The following TAFA5 variants were observed in gnomAD, a reference collection of about 807,000 sequenced individuals.
The protein encoded by TAFA5 is TAFA chemokine like family member 5, also known as chemokine-like protein TAFA-5.
TAFA5 carries 6 observed loss-of-function variants against 15.3 expected under a neutral mutation model. That is an observed-to-expected ratio of 0.39 (90% CI 0.21 to 0.77). The LOEUF (loss-of-function observed/expected upper bound fraction) is 0.77, where lower values mean the gene tolerates loss of function less well. Among genes scored for constraint, TAFA5 ranks in the 30% least tolerant of loss-of-function variants. TAFA5 has a pLI of 0.41. For missense variants in TAFA5, 161 were observed against 193.1 expected (o/e 0.83, Z 0.98); for synonymous variants, 103 against 80.7 (o/e 1.28, Z -1.48).
intron 2 of TAFA5, among the ~76,000 whole-genome samples, chr22:48,654,033 C>T (rs1927148582): frequency 6.6e-6 from 1 of 151,804 alleles, no homozygotes; most frequent in African/African-American, 2.4e-5. Flanking sequence ...GGGGTGGTCT[C>T]CTTGCTCTAG....
chr22:48,721,370 C>T (rs1929565121), intron 3 of TAFA5, among the ~76,000 whole-genome samples: 1 of 152,216 alleles, frequency 6.6e-6, no homozygotes, highest in South Asian at 2.1e-4. Flanking sequence ...CACCAGAGCA[C>T]TGCCTCCGTG....
intron 1 of TAFA5, among the ~76,000 whole-genome samples, chr22:48,612,572 A>G (rs1925449090): frequency 6.6e-6 from 1 of 151,744 alleles, no homozygotes; most frequent in African/African-American, 2.4e-5. Flanking sequence ...GCCCTCGCCT[A>G]ATGGGAGGTG....
Position 48,592,088 on chromosome 22 carries a change from G to GC in TAFA5, c.113-54507dup, listed in dbSNP as rs1281920321. 7.9e-5 allele frequency among the ~76,000 whole-genome samples: 12 copies of GC among 152,190 alleles called. No individual in the cohort carries two copies. The East Asian group carries it at 2.1e-3, about 27-fold the overall frequency. ...CCTTGCAGGTCCCGAGGCTGGTGGGGCCAGCCTTGGTCGGGCCCCACCCTG... is the reference window on the plus strand; with the variant it reads ...CCTTGCAGGTCCCGAGGCTGGTGGGGCCCAGCCTTGGTCGGGCCCCACCCTG... On this transcript the variant is annotated intron_variant, in intron 1 of 3. Coordinates refer to ENST00000402357, the MANE Select transcript of TAFA5 (RefSeq NM_001082967.3).
chr22:48,625,718 G>T (rs1926005484), intron 1 of TAFA5, among the ~76,000 whole-genome samples: 1 of 152,168 alleles, frequency 6.6e-6, no homozygotes, highest in African/African-American at 2.4e-5. Flanking sequence ...TTTTAGATTT[G>T]CATAGATTGA....
chr22:48,586,628 C>T (rs1021113298), intron 1 of TAFA5, among the ~76,000 whole-genome samples: 5 of 152,232 alleles, frequency 3.3e-5, no homozygotes, highest in Admixed American at 3.3e-4. Flanking sequence ...GAGAGGGATT[C>T]GCACACATTT....
At chr22:48,649,783 G>A (rs112537302) in intron 2 of TAFA5, among the ~76,000 whole-genome samples, 121 of 152,264 alleles carry the variant, frequency 7.9e-4, no homozygotes, top group East Asian at 6.4e-3. Context: ...GGGGGAGAGC[G>A]GTGCCCTGCA....
chr22:48,670,003 T>C (rs1056485974), intron 2 of TAFA5, among the ~76,000 whole-genome samples: 1 of 152,138 alleles, frequency 6.6e-6, no homozygotes, highest in African/African-American at 2.4e-5. Flanking sequence ...TTACTGCCCC[T>C]CAACTCCCAA....
chr22:48,742,608 G>A lies in TAFA5; in HGVS notation c.391-7231G>A, dbSNP rs113776789. Among the ~76,000 whole-genome samples, 9 of 151,604 alleles carry A rather than the reference G, an allele frequency of 5.9e-5. No homozygotes were observed. Among genetic ancestry groups the A allele is most frequent in the Admixed American group, 2.0e-4 (3 of 15,242 alleles). ...GATGGACCAGGCGACATGGTGGACCGGGCCGCATGGTGGACCAGGCAACGT... is the reference window on the plus strand; with the variant it reads ...GATGGACCAGGCGACATGGTGGACCAGGCCGCATGGTGGACCAGGCAACGT... On this transcript the variant is annotated intron_variant, in intron 3 of 3. Transcript: ENST00000402357. This position sits in a 1 kb window ranked among gnomAD's most constrained non-coding sequence, Gnocchi z 6.2.
intron 3 of TAFA5, among the ~76,000 whole-genome samples, chr22:48,748,440 C>T (rs1367182615): frequency 6.6e-6 from 1 of 152,202 alleles, no homozygotes; most frequent in East Asian, 1.9e-4. Flanking sequence ...CCACAAGTGT[C>T]CACAGGCAGA....
At chr22:48,499,509 G>T (rs1036152979) in intron 1 of TAFA5, among the ~76,000 whole-genome samples, 3 of 152,160 alleles carry the variant, frequency 2.0e-5, no homozygotes, top group African/African-American at 7.2e-5. Flanking sequence ...TAGCACCGAC[G>T]TGCCCTTCTG....
rs1197146995 is a variant in TAFA5, at chr22:48,751,321, G to A, written c.*1474G>A. 1 of 152,454 alleles carries A rather than the reference G, an allele frequency of 6.6e-6. No individual in the cohort carries two copies. The highest frequency in any genetic ancestry group is 1.5e-5 in the Non-Finnish European group (1 of 68,042). The allele number at this position is 152,454 out of a possible 1,614,324, so 9.4% of individuals were successfully genotyped here. A position where few individuals can be genotyped will look rare whatever the true frequency, so the allele number is the denominator to read the frequency against. On this transcript the variant is annotated 3_prime_UTR_variant, in exon 4 of 4. Transcript: ENST00000402357. ...TCACTAGGTCCAGAAAGTCGCGCCG[G>A]GCAGAGGCGCAGGCGGGGCCGGCAG...
chr22:48,693,423 G>A (rs766837526), intron 2 of TAFA5: 14 of 1,611,014 alleles, frequency 8.7e-6, no homozygotes, highest in Admixed American at 1.7e-5. Context: ...AGCCCGTGCA[G>A]GCAGTAAAGG....
At chr22:48,618,912 C>T (rs1482774821) in intron 1 of TAFA5, among the ~76,000 whole-genome samples, 3 of 152,212 alleles carry the variant, frequency 2.0e-5, no homozygotes, top group Admixed American at 6.5e-5. Context: ...CACCTAGGCC[C>T]TGGGAGGCTG....
At chr22:48,502,591 G>A (rs868503797) in intron 1 of TAFA5, among the ~76,000 whole-genome samples, 1 of 146,404 alleles carries the variant, frequency 6.8e-6, no homozygotes, top group Admixed American at 7.0e-5. Flanking sequence ...GTGTGATCTC[G>A]GCTCACTGCA....
In TAFA5 at chr22:48,550,130, C is replaced by T. The variant is rs1483154235; in HGVS notation, c.112+60426C>T. Among the ~76,000 whole-genome samples the T allele has an allele frequency of 6.6e-6, 1 of 152,214 alleles. No homozygotes were observed. Among genetic ancestry groups the T allele is most frequent in the Non-Finnish European group, 1.5e-5 (1 of 68,032 alleles). On this transcript the variant is annotated intron_variant, in intron 1 of 3. Transcript: ENST00000402357. The surrounding 1 kb of genome is among the most constrained non-coding windows in gnomAD (Gnocchi z 4.1). ...GCTGGGAACTTTGGGGTATGCTGGG[C>T]ATGGGTGTAGCAGCCTGTGTGTGTC...
intron 3 of TAFA5, among the ~76,000 whole-genome samples, chr22:48,711,279 T>A (rs1248816165): frequency 6.6e-6 from 1 of 151,960 alleles, no homozygotes; most frequent in Non-Finnish European, 1.5e-5. Flanking sequence ...AGAGTGTGTG[T>A]CGGGGGCTTG....
chr22:48,529,083 C>T (rs1921873863), intron 1 of TAFA5, among the ~76,000 whole-genome samples: 1 of 152,186 alleles, frequency 6.6e-6, no homozygotes, highest in South Asian at 2.1e-4. Context: ...ACTGCTTAAA[C>T]CACCTTCACA....
Position 48,550,808 on chromosome 22 carries a change from G to A in TAFA5, c.112+61104G>A, listed in dbSNP as rs2147126164. ...CTTTCTCTGACCTTCTTGTTCTCGG[G>A]AAAGAGCGGTGCCTCCAGGATTCAG... On this transcript the variant is annotated intron_variant, in intron 1 of 3. Coordinates refer to ENST00000402357, the MANE Select transcript of TAFA5 (RefSeq NM_001082967.3). The surrounding 1 kb of genome is among the most constrained non-coding windows in gnomAD (Gnocchi z 4.1). Among the ~76,000 whole-genome samples, 1 of 152,226 alleles carries A rather than the reference G, an allele frequency of 6.6e-6. No individual in the cohort carries two copies. Among genetic ancestry groups the A allele is most frequent in the South Asian group, 2.1e-4 (1 of 4,820 alleles).
At chr22:48,582,093 G>A (rs1397481536) in intron 1 of TAFA5, among the ~76,000 whole-genome samples, 2 of 151,990 alleles carry the variant, frequency 1.3e-5, no homozygotes, top group Non-Finnish European at 2.9e-5. Flanking sequence ...CCTGCCTGTC[G>A]GGGCAGGCGG....
Sources: allele counts gnomAD v4.1 joint callset (sites outside exome capture counted in the v4.1 genomes callset), GRCh38; gene constraint gnomAD v4.1.1; non-coding constraint Gnocchi (gnomAD v3.1); transcripts MANE v1.5; gene names NCBI Gene and HGNC (gene_info 2026-07-23, HGNC 2026-07-21).